The following ARFGEF3 variants were observed in gnomAD, a reference collection of about 807,000 sequenced individuals.
ARFGEF3 encodes the protein ARFGEF family member 3.
ARFGEF3 carries 96 observed loss-of-function variants against 221.7 expected under a neutral mutation model. That is an observed-to-expected ratio of 0.43 (90% confidence interval 0.37 to 0.51). ARFGEF3 has a LOEUF of 0.51. Ranked by LOEUF, ARFGEF3 falls within the 20% of genes least tolerant of loss-of-function variation. The probability of loss-of-function intolerance (pLI) is 0.00; values close to 1 mark genes in which losing one functional copy is unlikely to be tolerated. For missense variants in ARFGEF3, 2,410 were observed against 2,789.9 expected (o/e 0.86, Z 3.07); for synonymous variants, 1,145 against 1,126.8 (o/e 1.02, Z -0.32).
chr6:138,180,079 T>A (rs1340515587), intron 2 of ARFGEF3, among the ~76,000 whole-genome samples: 1 of 152,212 alleles, frequency 6.6e-6, no homozygotes. Context: ...TCCCAAAGTG[T>A]TGGAGTTACA....
At chr6:138,212,904 C>G (rs1196426853) in intron 4 of ARFGEF3, among the ~76,000 whole-genome samples, 2 of 152,218 alleles carry the variant, frequency 1.3e-5, no homozygotes, top group East Asian at 3.9e-4. Flanking sequence ...GGAGAAATAA[C>G]TAATGTAAAT....
intron 1 of ARFGEF3, among the ~76,000 whole-genome samples, chr6:138,168,047 C>A (rs996868376): frequency 1.3e-5 from 2 of 152,186 alleles, no homozygotes; most frequent in Non-Finnish European, 2.9e-5. Context: ...CTACACTGTG[C>A]TCCCTCTTAC....
chr6:138,168,716 A>G, intron 1 of ARFGEF3, among the ~76,000 whole-genome samples: 1 of 152,104 alleles, frequency 6.6e-6, no homozygotes, highest in East Asian at 1.9e-4. Context: ...TATTCCCTCC[A>G]CTCGGAGTGA....
intron 3 of ARFGEF3, among the ~76,000 whole-genome samples, chr6:138,209,095 G>A (rs1178771453): frequency 6.6e-6 from 1 of 152,284 alleles, no homozygotes; most frequent in Admixed American, 6.5e-5. Flanking sequence ...ATGTCTTCTT[G>A]TTGAGGTTTT....
intron 4 of ARFGEF3, among the ~76,000 whole-genome samples, chr6:138,228,338 G>A (rs1296572477): frequency 6.7e-6 from 1 of 148,180 alleles, no homozygotes; most frequent in Non-Finnish European, 1.5e-5. Context: ...CACCACACCT[G>A]GATAATTTTT....
intron 3 of ARFGEF3, among the ~76,000 whole-genome samples, chr6:138,209,270 A>T (rs6905589): frequency 5.6e-4 from 85 of 152,174 alleles, no homozygotes; most frequent in African/African-American, 1.9e-3. Flanking sequence ...TTTAGAAAGC[A>T]TATGTGTGTG....
At position 138,336,648 on chromosome 6, in the gene ARFGEF3, G is replaced by A. The variant is rs1780331344; in HGVS notation, c.*162G>A. ...AAAAAGCCTTTCCAACCACTGATCA[G>A]CATTGGGGCCATACTAAGGTTTGTA... is the stretch of plus-strand genomic sequence containing the variant. On this transcript the variant is annotated 3_prime_UTR_variant, in exon 34 of 34. Coordinates refer to ENST00000251691, the MANE Select transcript of ARFGEF3 (RefSeq NM_020340.5). 3.8e-6 allele frequency: 2 copies of A among 521,702 alleles called. No homozygotes were observed. The highest frequency in any genetic ancestry group is 5.0e-4 in the Middle Eastern group (1 of 2,000). 32.3% of individuals were successfully genotyped at this position (521,702 alleles called of 1,614,324 possible). A position where few individuals can be genotyped will look rare whatever the true frequency, so the allele number is the denominator to read the frequency against.
Position 138,255,420 on chromosome 6 carries a change from C to T in ARFGEF3, c.771-16C>T. Reference sequence around the variant, plus strand: ...GGCTCGTGGGGAAAGTTACTTTTCTCACCATCTCTTCCCAGGAAAAACCTC... The same window carrying T: ...GGCTCGTGGGGAAAGTTACTTTTCTTACCATCTCTTCCCAGGAAAAACCTC... On this transcript the variant is annotated splice_polypyrimidine_tract_variant and intron_variant, in intron 9 of 33. Coordinates refer to ENST00000251691, the MANE Select transcript of ARFGEF3 (RefSeq NM_020340.5). The T allele has an allele frequency of 6.4e-7, 1 of 1,552,540 alleles. No homozygotes were observed. Among genetic ancestry groups the T allele is most frequent in the African/African-American group, 1.4e-5 (1 of 73,436 alleles).
chr6:138,324,173 G>A lies in ARFGEF3; in HGVS notation c.5001+19G>A. 6.2e-7 allele frequency: 1 copy of A among 1,605,130 alleles called. No individual in the cohort carries two copies. The highest frequency in any genetic ancestry group is 1.1e-5 in the South Asian group (1 of 90,574). On this transcript the variant is annotated intron_variant, in intron 31 of 33. Transcript: ENST00000251691. Reference sequence around the variant, plus strand: ...CCAGCAGGTAAGGGCAGGGGCTTTTGATCTCAGGAGCTCTAGAAACTCGAA... The same window carrying A: ...CCAGCAGGTAAGGGCAGGGGCTTTTAATCTCAGGAGCTCTAGAAACTCGAA...
intron 31 of ARFGEF3, among the ~76,000 whole-genome samples, chr6:138,324,373 C>T (rs1780092445): frequency 6.6e-6 from 1 of 152,200 alleles, no homozygotes; most frequent in South Asian, 2.1e-4. Context: ...TTGCATCCTC[C>T]AGTGCCCAGA....
At position 138,245,554 on chromosome 6, in the gene ARFGEF3, C is replaced by G; in HGVS notation, c.628C>G (p.Leu210Val). The G allele has an allele frequency of 6.2e-7, 1 of 1,610,502 alleles. No homozygotes were observed. Among genetic ancestry groups the G allele is most frequent in the East Asian group, 2.2e-5 (1 of 44,748 alleles). ...ESLCDDVVSV[L>V]TVLCEKLQAA... ...CCTCTGTGATGATGTTGTCTCTGTACTCACCGTCCTGTGTGAGAAGCTGCA... is the reference window on the plus strand; with the variant it reads ...CCTCTGTGATGATGTTGTCTCTGTAGTCACCGTCCTGTGTGAGAAGCTGCA... Residue 210 changes from leucine to valine, a missense_variant, in exon 8 of 34, where the codon CTC (leucine) becomes GTC (valine). Coordinates refer to ENST00000251691, the MANE Select transcript of ARFGEF3 (RefSeq NM_020340.5).
intron 32 of ARFGEF3, among the ~76,000 whole-genome samples, chr6:138,329,865 A>G (rs1317018324): frequency 6.6e-6 from 1 of 152,182 alleles, no homozygotes; most frequent in Non-Finnish European, 1.5e-5. Context: ...TTGTGTGAGC[A>G]ACAAGGCTGT....
chr6:138,250,061 C>T (rs756703626), intron 8 of ARFGEF3, among the ~76,000 whole-genome samples: 13 of 152,296 alleles, frequency 8.5e-5, no homozygotes, highest in African/African-American at 1.2e-4. Flanking sequence ...ATTAGCTAAA[C>T]TGGATGCCTC....
intron 2 of ARFGEF3, among the ~76,000 whole-genome samples, chr6:138,200,224 AC>A (rs1777507954): frequency 6.6e-6 from 1 of 152,178 alleles, no homozygotes; most frequent in Admixed American, 6.5e-5. Context: ...CTGGTATGAA[AC>A]CCACTTGATC....
intron 24 of ARFGEF3, among the ~76,000 whole-genome samples, chr6:138,309,761 T>A (rs1347572017): frequency 6.6e-6 from 1 of 152,178 alleles, no homozygotes. Flanking sequence ...CGAGAACCTG[T>A]AGTTCTAAGA....
chr6:138,209,595 A>T (rs896128373), intron 3 of ARFGEF3, among the ~76,000 whole-genome samples: 2 of 151,860 alleles, frequency 1.3e-5, no homozygotes, highest in Non-Finnish European at 2.9e-5. Flanking sequence ...GATTGCAGGC[A>T]CCCGCCACCA....
intron 31 of ARFGEF3, among the ~76,000 whole-genome samples, chr6:138,324,879 C>T (rs539558387): frequency 2.6e-5 from 4 of 152,330 alleles, no homozygotes; most frequent in African/African-American, 4.8e-5. Context: ...GGCAGTCTGC[C>T]GCTAGGAAAC....
At chr6:138,261,289 C>T (rs1245475843) in intron 10 of ARFGEF3, among the ~76,000 whole-genome samples, 3 of 152,176 alleles carry the variant, frequency 2.0e-5, no homozygotes, top group African/African-American at 7.2e-5. Flanking sequence ...TCCCTCTGAT[C>T]ATTTTCTTTG....
intron 2 of ARFGEF3, among the ~76,000 whole-genome samples, chr6:138,195,924 A>T (rs1464990857): frequency 6.6e-6 from 1 of 151,968 alleles, no homozygotes; most frequent in East Asian, 1.9e-4. Flanking sequence ...TGTAAAATTG[A>T]CATGTGGGAG....
Sources: allele counts gnomAD v4.1 joint callset (sites outside exome capture counted in the v4.1 genomes callset), GRCh38; gene constraint gnomAD v4.1.1; transcripts MANE v1.5; gene names NCBI Gene and HGNC (gene_info 2026-07-23, HGNC 2026-07-21).